TMEM183A: variants seen among roughly 807,000 people sequenced by gnomAD.
The protein encoded by TMEM183A is transmembrane protein 183A.
In TMEM183A, 21 loss-of-function variants were observed where a neutral mutation model predicts 46.7. The ratio of observed to expected loss-of-function variants is 0.45; its 90% CI spans 0.32 to 0.65. The LOEUF is 0.65. Ranked by LOEUF, TMEM183A falls within the 30% of genes least tolerant of loss-of-function variation. TMEM183A has a pLI of 0.04. For synonymous variants in TMEM183A, 165 were observed against 180.2 expected (o/e 0.92, Z 0.68); for missense variants, 331 against 481.9 (o/e 0.69, Z 2.93).
In TMEM183A at chr1:203,016,222, T is replaced by C. The variant is rs189901333; in HGVS notation, c.708+82T>C. ...TATCATGGCTTGTCTCCAGCTTCCTTGATGGGGAGGGGTGTAGGTCCCAGG... is the reference window on the plus strand; with the variant it reads ...TATCATGGCTTGTCTCCAGCTTCCTCGATGGGGAGGGGTGTAGGTCCCAGG... On this transcript the variant is annotated intron_variant, in intron 5 of 7. Transcript: ENST00000367242. 2,508 of 1,592,150 alleles carry C rather than the reference T, an allele frequency of 1.6e-3. 9 individuals carry two copies. Among genetic ancestry groups the C allele is most frequent in the Non-Finnish European group, 1.9e-3 (2,184 of 1,168,206 alleles).
Position 203,024,180 on chromosome 1 carries a change from G to A in TMEM183A, c.*1140G>A, listed in dbSNP as rs950844940. 3.3e-5 allele frequency: 5 copies of A among 152,224 alleles called. No homozygotes were observed. The highest frequency in any genetic ancestry group is 7.3e-5 in the Non-Finnish European group (5 of 68,062). 9.4% of individuals were successfully genotyped at this position (152,224 alleles called of 1,614,324 possible). ...GCACTTAGCGACTTTGCTCTGCCCT[G>A]TACTGTGCTGCTTCTGCTGTCATCC... On this transcript the variant is annotated 3_prime_UTR_variant, in exon 8 of 8. Coordinates refer to ENST00000367242, the MANE Select transcript of TMEM183A (RefSeq NM_138391.6).
intron 3 of TMEM183A, among the ~76,000 whole-genome samples, chr1:203,010,283 T>C (rs879399611): frequency 2.0e-5 from 3 of 152,230 alleles, no homozygotes; most frequent in Admixed American, 1.3e-4. Flanking sequence ...ATGAAATTAA[T>C]GGTATGATTG....
At chr1:203,019,660 G>A (rs1657480999) in intron 6 of TMEM183A, among the ~76,000 whole-genome samples, 3 of 152,030 alleles carry the variant, frequency 2.0e-5, no homozygotes, top group Admixed American at 6.6e-5. Flanking sequence ...AGCTTTCATT[G>A]TGGAAGGAGG....
In TMEM183A at chr1:203,007,400, T is replaced by G; in HGVS notation, c.-66T>G. 3 of 1,325,526 alleles carry G rather than the reference T, an allele frequency of 2.3e-6. No individual in the cohort carries two copies. Among genetic ancestry groups the G allele is most frequent in the Non-Finnish European group, 2.9e-6 (3 of 1,034,232 alleles). 82.1% of individuals were successfully genotyped at this position (1,325,526 alleles called of 1,614,324 possible). On this transcript the variant is annotated 5_prime_UTR_variant, in exon 1 of 8. Transcript: ENST00000367242. ...TCGCGAGAGTTAGCGGCCTCCGGTG[T>G]GGGATGGCCGCGGAGCCGGGCGGAG...
chr1:203,008,492 T>C, intron 2 of TMEM183A, 151 bp from the exon 3 acceptor site: 1 of 634,280 alleles, frequency 1.6e-6, no homozygotes, highest in Non-Finnish European at 2.3e-6. Context: ...TACTAAAATC[T>C]TTATTTTTTT....
intron 3 of TMEM183A, 99 bp from the exon 4 acceptor site, chr1:203,014,790 T>C (rs1657001836): frequency 6.7e-7 from 1 of 1,496,698 alleles, no homozygotes; most frequent in East Asian, 2.3e-5. Flanking sequence ...TTTAAAACCA[T>C]TTTCTTAACT....
At chr1:203,022,628 A>AG (rs776291945) in intron 7 of TMEM183A, among the ~76,000 whole-genome samples, 3 of 151,572 alleles carry the variant, frequency 2.0e-5, no homozygotes, top group Non-Finnish European at 4.4e-5. Context: ...GTTTGATCCC[A>AG]GGAGGCGGAG....
intron 4 of TMEM183A, 123 bp downstream of exon 4, chr1:203,015,171 C>A: frequency 7.2e-7 from 1 of 1,396,542 alleles, no homozygotes; most frequent in East Asian, 2.5e-5. Context: ...TGGGCATGAC[C>A]CAGCTTTGGA....
Position 203,014,264 on chromosome 1 carries a change from T to G in TMEM183A, c.368-625T>G, listed in dbSNP as rs546452578. ...ATATTTTTCTTATTCCATTGAAGAATTATTAGAGTTGAATGATACAACGTG... is the reference window on the plus strand; with the variant it reads ...ATATTTTTCTTATTCCATTGAAGAAGTATTAGAGTTGAATGATACAACGTG... On this transcript the variant is annotated intron_variant, in intron 3 of 7. Coordinates refer to ENST00000367242, the MANE Select transcript of TMEM183A (RefSeq NM_138391.6). 7.2e-5 allele frequency among the ~76,000 whole-genome samples: 11 copies of G among 152,324 alleles called. No individual in the cohort carries two copies. The East Asian group carries it at 2.1e-3, about 29-fold the overall frequency.
chr1:203,007,687 CG>C (rs1656091225), intron 1 of TMEM183A, 86 bp from the exon 2 acceptor site: 3 of 1,575,614 alleles, frequency 1.9e-6, no homozygotes, highest in Non-Finnish European at 1.7e-6. Context: ...CGGCTCGGTC[CG>C]GGGGCCTGCA....
At chr1:203,015,133 C>A in intron 4 of TMEM183A, 85 bp downstream of exon 4, 1 of 1,556,486 alleles carries the variant, frequency 6.4e-7, no homozygotes, top group East Asian at 2.3e-5. Flanking sequence ...TGGATGGTGA[C>A]CTCTTTTCAC....
At chr1:203,007,752 G>C (rs1656101953) in intron 1 of TMEM183A, 22 bp from the exon 2 acceptor site, 2 of 1,613,186 alleles carry the variant, frequency 1.2e-6, no homozygotes, top group Non-Finnish European at 1.7e-6. Context: ...CCTCTTCCTT[G>C]AGGGTTGGTG....
chr1:203,011,801 C>A (rs1656621212), intron 3 of TMEM183A, among the ~76,000 whole-genome samples: 1 of 151,846 alleles, frequency 6.6e-6, no homozygotes, highest in Non-Finnish European at 1.5e-5. Flanking sequence ...GGCACTTAAC[C>A]ATAATTCATA....
At chr1:203,021,013 G>T in intron 7 of TMEM183A, 65 bp downstream of exon 7, 14 of 1,350,814 alleles carry the variant, frequency 1.0e-5, no homozygotes, top group African/African-American at 1.6e-5. Flanking sequence ...TCTGAAAGGA[G>T]GTGAACCGCA....
intron 5 of TMEM183A, among the ~76,000 whole-genome samples, chr1:203,016,542 T>A (rs566328665): frequency 1.3e-5 from 2 of 152,342 alleles, no homozygotes; most frequent in East Asian, 3.9e-4. Context: ...ACTATTTTTC[T>A]CTTTCTAATG....
In TMEM183A at chr1:203,015,904, AC is replaced by A. The variant is rs1657122616; in HGVS notation, c.528-54del. ...AGAGACCAGGAGTCTTAGAAAACTG[AC>A]CTAGAGCAGGAGAGACAGGTCACAT... On this transcript the variant is annotated intron_variant, in intron 4 of 7. Transcript: ENST00000367242. 8 of 1,580,316 alleles carry A rather than the reference AC, an allele frequency of 5.1e-6. No individual in the cohort carries two copies. In the South Asian group the frequency reaches 8.3e-5, roughly 16 times the overall value.
chr1:203,021,124 C>T (rs1657645901), intron 7 of TMEM183A, among the ~76,000 whole-genome samples, 176 bp downstream of exon 7: 1 of 150,766 alleles, frequency 6.6e-6, no homozygotes, highest in South Asian at 2.1e-4. Context: ...CTCAAAACTC[C>T]TGGGCTTAAG....
chr1:203,016,623 T>C (rs1657193392), intron 5 of TMEM183A, among the ~76,000 whole-genome samples: 1 of 152,200 alleles, frequency 6.6e-6, no homozygotes. Context: ...TTGACTTCTG[T>C]AGCATTTGGA....
chr1:203,018,789 T>G (rs909686755), intron 6 of TMEM183A, among the ~76,000 whole-genome samples: 1 of 152,204 alleles, frequency 6.6e-6, no homozygotes, highest in African/African-American at 2.4e-5. Flanking sequence ...CAAGATGGTG[T>G]CTGATTGCAT....
Sources: gnomAD v4.1 joint callset for allele counts (sites outside exome capture counted in the v4.1 genomes callset) on GRCh38, gnomAD v4.1.1 for gene constraint, MANE v1.5 for transcripts, NCBI Gene and HGNC (gene_info 2026-07-23, HGNC 2026-07-21) for gene names.